IGF2R: variants seen among roughly 807,000 people sequenced by gnomAD.
The protein encoded by IGF2R is cation-independent mannose-6-phosphate receptor.
A neutral mutation model predicts 270.6 loss-of-function variants in IGF2R; 91 were observed. The observed-to-expected ratio is 0.34, with a 90% confidence interval of 0.28 to 0.40. The LOEUF (loss-of-function observed/expected upper bound fraction) is 0.40. Ranked by LOEUF, IGF2R falls within the 10% of genes least tolerant of loss-of-function variation. The pLI, the probability that IGF2R is intolerant of heterozygous loss-of-function variation, is 1.00. For missense variants in IGF2R, 2,805 were observed against 3,188.3 expected, an observed-to-expected ratio of 0.88 and a Z score of 2.90; for synonymous variants, 1,316 against 1,258.9, an observed-to-expected ratio of 1.05 and a Z score of -0.96.
At chr6:160,092,710 C>T (rs1276211690) in intron 44 of IGF2R, among the ~76,000 whole-genome samples, 1 of 152,214 alleles carries the variant, frequency 6.6e-6, no homozygotes, top group African/African-American at 2.4e-5. Flanking sequence ...TCAGCAGCCC[C>T]TGCTTCAGCT....
At position 160,004,557 on chromosome 6, in the gene IGF2R, G is replaced by A. The variant is rs1273556889; in HGVS notation, c.290-4453G>A. The A allele has an allele frequency of 6.5e-6, 1 of 153,508 alleles. No individual in the cohort carries two copies. Among genetic ancestry groups the A allele is most frequent in the Non-Finnish European group, 1.5e-5 (1 of 68,954 alleles). The allele number at this position is 153,508 out of a possible 1,614,324, so 9.5% of individuals were successfully genotyped here. A position where few individuals can be genotyped will look rare whatever the true frequency, so the allele number is the denominator to read the frequency against. On this transcript the variant is annotated intron_variant, in intron 2 of 47. Transcript: ENST00000356956. This position sits in a 1 kb window ranked among gnomAD's most constrained non-coding sequence, Gnocchi z 5.2. Reference sequence around the variant, plus strand: ...AGAGGTGTGGCCTGTTTTTCCGGGTGGGTCTAGTGAGTGTAGCTTGGAGTG... The same window carrying A: ...AGAGGTGTGGCCTGTTTTTCCGGGTAGGTCTAGTGAGTGTAGCTTGGAGTG...
chr6:160,102,480 A>G lies in IGF2R; in HGVS notation c.6843-39A>G. On this transcript the variant is annotated intron_variant, in intron 45 of 47. Transcript: ENST00000356956. The surrounding 1 kb of genome is among the most constrained non-coding windows in gnomAD (Gnocchi z 4.5). Reference sequence around the variant, plus strand: ...AGGTTGTGGCTGTGGCAGCAGGACCACCCTGTGACACGGCTCCTTTTCTGT... The same window carrying G: ...AGGTTGTGGCTGTGGCAGCAGGACCGCCCTGTGACACGGCTCCTTTTCTGT... The G allele has an allele frequency of 6.3e-7, 1 of 1,596,252 alleles. No homozygotes were observed. The highest frequency in any genetic ancestry group is 1.1e-5 in the South Asian group (1 of 89,654).
intron 29 of IGF2R, among the ~76,000 whole-genome samples, chr6:160,067,542 C>T (rs1778612071): frequency 1.3e-5 from 2 of 152,132 alleles, no homozygotes; most frequent in South Asian, 4.2e-4. Flanking sequence ...TAATACAGTA[C>T]CCCCAGTTTA....
chr6:160,046,246 T>C (rs1778067284), intron 14 of IGF2R, among the ~76,000 whole-genome samples: 1 of 152,228 alleles, frequency 6.6e-6, no homozygotes, highest in South Asian at 2.1e-4. Flanking sequence ...GCCCAGCAGT[T>C]ATGGGCTTTG....
At chr6:160,030,827 T>C (rs1331737916) in intron 7 of IGF2R, among the ~76,000 whole-genome samples, 1 of 151,714 alleles carries the variant, frequency 6.6e-6, no homozygotes, top group African/African-American at 2.4e-5. Flanking sequence ...CCTCTGTTTT[T>C]TTTTTTTTTT....
chr6:159,997,045 C>T (rs1431782153), intron 2 of IGF2R, among the ~76,000 whole-genome samples: 2 of 152,210 alleles, frequency 1.3e-5, no homozygotes, highest in African/African-American at 2.4e-5. Flanking sequence ...CACATCCGTG[C>T]CCAAGCACTG....
At chr6:160,092,195 C>T (rs1281374893) in intron 44 of IGF2R, among the ~76,000 whole-genome samples, 14 of 40,412 alleles carry the variant, frequency 3.5e-4, no homozygotes, top group Non-Finnish European at 6.6e-4. Context: ...CCAAACCTAC[C>T]TCCAGTGCCC....
At chr6:160,016,516 C>T (rs1173178904) in intron 4 of IGF2R, among the ~76,000 whole-genome samples, 3 of 152,236 alleles carry the variant, frequency 2.0e-5, no homozygotes, top group Non-Finnish European at 4.4e-5. Context: ...ATCCTGTTGC[C>T]ACCACTGCAG....
chr6:160,088,282 G>A (rs1331950979), intron 42 of IGF2R, 135 bp downstream of exon 42: 1 of 660,550 alleles, frequency 1.5e-6, no homozygotes, highest in Non-Finnish European at 2.8e-6. Flanking sequence ...TGCTGTATTG[G>A]GCGGGGCTGC....
chr6:160,077,976 G>C (rs1295025382), intron 36 of IGF2R, among the ~76,000 whole-genome samples: 2 of 152,224 alleles, frequency 1.3e-5, no homozygotes, highest in African/African-American at 4.8e-5. Context: ...TAGAAGACAA[G>C]ACCTGGATTC....
At chr6:160,024,750 T>C (rs764581831) in intron 5 of IGF2R, 46 bp downstream of exon 5, 1 of 1,594,266 alleles carries the variant, frequency 6.3e-7, no homozygotes, top group Non-Finnish European at 8.6e-7. Context: ...AGGGATTTCT[T>C]CTATGGCTTC....
At chr6:160,104,231 C>A (rs1026344955) in intron 47 of IGF2R, among the ~76,000 whole-genome samples, 1 of 152,110 alleles carries the variant, frequency 6.6e-6, no homozygotes, top group Non-Finnish European at 1.5e-5. Context: ...TGATGAATTG[C>A]TCTCTAAAAC....
chr6:160,053,663 A>T (rs563926346), intron 19 of IGF2R, among the ~76,000 whole-genome samples: 1 of 152,280 alleles, frequency 6.6e-6, no homozygotes, highest in African/African-American at 2.4e-5. Context: ...TTTGGGTTAC[A>T]TATATTATAC....
intron 13 of IGF2R, among the ~76,000 whole-genome samples, chr6:160,044,984 A>G (rs569416369): frequency 6.6e-5 from 10 of 152,332 alleles, no homozygotes; most frequent in African/African-American, 2.2e-4. Context: ...AAAATCATAA[A>G]TGGTTTAAAA....
In IGF2R at chr6:160,057,398, CT is replaced by C. The variant is rs2115258336; in HGVS notation, c.2797-624del. 5.3e-5 allele frequency among the ~76,000 whole-genome samples: 8 copies of C among 152,362 alleles called. No homozygotes were observed. The Middle Eastern group carries it at 0.02, about 389-fold the overall frequency. On this transcript the variant is annotated intron_variant, in intron 20 of 47. Transcript: ENST00000356956. ...TTCCCACTTCCTGTTCTAAGCTACA[CT>C]GCAGACTCTGGCAGCAGAGACCAAG...
intron 2 of IGF2R, among the ~76,000 whole-genome samples, chr6:160,008,021 C>G (rs146345722): frequency 6.6e-6 from 1 of 152,272 alleles, no homozygotes; most frequent in East Asian, 1.9e-4. Context: ...GAATAATTAT[C>G]TTTGGCCACC....
intron 1 of IGF2R, among the ~76,000 whole-genome samples, chr6:159,973,368 G>A (rs561184405): frequency 6.6e-6 from 1 of 152,288 alleles, no homozygotes; most frequent in African/African-American, 2.4e-5. Context: ...ATAAAATAAT[G>A]CTTTGGGATG....
At chr6:160,094,485 T>C (rs1481826605) in intron 44 of IGF2R, 4 of 156,462 alleles carry the variant, frequency 2.6e-5, no homozygotes, top group Admixed American at 1.3e-4. Flanking sequence ...TTTCTGCTTT[T>C]TGTGAAGCCT....
intron 8 of IGF2R, 40 bp from the exon 9 acceptor site, chr6:160,032,902 T>C (rs1348079488): frequency 6.6e-7 from 1 of 1,517,918 alleles, no homozygotes; most frequent in Admixed American, 1.8e-5. Context: ...TACCTATTCA[T>C]ATAAAACAAG....
Sources: allele counts gnomAD v4.1 joint callset (sites outside exome capture counted in the v4.1 genomes callset), GRCh38; gene constraint gnomAD v4.1.1; non-coding constraint Gnocchi (gnomAD v3.1); transcripts MANE v1.5; gene names NCBI Gene and HGNC (gene_info 2026-07-23, HGNC 2026-07-21).